SOBP: variants seen among roughly 807,000 people sequenced by gnomAD.
SOBP encodes the protein sine oculis binding protein homolog.
A neutral mutation model predicts 53.6 loss-of-function variants in SOBP; 4 were observed. The ratio of observed to expected loss-of-function variants is 0.07; its 90% CI spans 0.04 to 0.17. The LOEUF (loss-of-function observed/expected upper bound fraction) is 0.17. Ranked by LOEUF, SOBP falls within the 10% of genes least tolerant of loss-of-function variation. The pLI, the probability that SOBP is intolerant of heterozygous loss-of-function variation, is 1.00. For synonymous variants in SOBP, 584 were observed against 522.6 expected, an observed-to-expected ratio of 1.12 and a Z score of -1.60; for missense variants, 1,088 against 1,204.7, an observed-to-expected ratio of 0.90 and a Z score of 1.43.
In SOBP at chr6:107,634,830, C is replaced by T. The variant is rs2115148094; in HGVS notation, c.1986C>T (p.Ala662=). ...TCGACCTGACCGTGGGCCACCGAGC[C>T]CGGCTGCACAACGTGATCCACCGCG... ...GVIDLTVGHR[A]RLHNVIHRAL... The change falls in exon 6 of 7, where the codon GCC becomes GCT. Residue 662 remains alanine, a synonymous_variant. Transcript: ENST00000317357. This position sits in a 1 kb window ranked among gnomAD's most constrained non-coding sequence, Gnocchi z 4.5. 7.1e-7 allele frequency: 1 copy of T among 1,407,278 alleles called. No homozygotes were observed. The highest frequency in any genetic ancestry group is 9.3e-7 in the Non-Finnish European group (1 of 1,077,338). The allele number at this position is 1,407,278 out of a possible 1,614,324, so 87.2% of individuals were successfully genotyped here.
intron 3 of SOBP, among the ~76,000 whole-genome samples, chr6:107,508,525 G>A (rs1427484495): frequency 6.6e-6 from 1 of 152,064 alleles, no homozygotes; most frequent in African/African-American, 2.4e-5. Context: ...GCTGCAGTGA[G>A]CTGAGATCAT....
At chr6:107,548,969 T>C (rs1784385455) in intron 4 of SOBP, among the ~76,000 whole-genome samples, 1 of 151,846 alleles carries the variant, frequency 6.6e-6, no homozygotes. Flanking sequence ...ATAAATTGAA[T>C]TAAAAACAGA....
At chr6:107,563,213 C>A (rs770082191) in intron 4 of SOBP, among the ~76,000 whole-genome samples, 2 of 152,206 alleles carry the variant, frequency 1.3e-5, no homozygotes, top group African/African-American at 4.8e-5. Flanking sequence ...GCCATTATTA[C>A]ACCAGTGCAC....
chr6:107,543,352 C>T (rs1784206089), intron 4 of SOBP, among the ~76,000 whole-genome samples: 1 of 152,166 alleles, frequency 6.6e-6, no homozygotes, highest in Non-Finnish European at 1.5e-5. Context: ...TTGTTGACAT[C>T]CTCTGGAATG....
chr6:107,541,991 T>G (rs1353378375), intron 4 of SOBP, among the ~76,000 whole-genome samples: 1 of 151,978 alleles, frequency 6.6e-6, no homozygotes, highest in Non-Finnish European at 1.5e-5. Flanking sequence ...ATATTGAGCC[T>G]GTATACGGCA....
intron 5 of SOBP, among the ~76,000 whole-genome samples, chr6:107,612,920 T>G (rs1413935334): frequency 6.6e-6 from 1 of 152,266 alleles, no homozygotes; most frequent in East Asian, 1.9e-4. Flanking sequence ...ATAGCAATAC[T>G]TCGATACTTT....
intron 5 of SOBP, among the ~76,000 whole-genome samples, chr6:107,616,791 A>G (rs1174609826): frequency 6.6e-6 from 1 of 152,194 alleles, no homozygotes; most frequent in Non-Finnish European, 1.5e-5. Context: ...GGACACTCAC[A>G]GCGACGGTTG....
At chr6:107,624,589 C>T (rs1201892941) in intron 5 of SOBP, among the ~76,000 whole-genome samples, 2 of 152,164 alleles carry the variant, frequency 1.3e-5, no homozygotes, top group African/African-American at 4.8e-5. Flanking sequence ...TGGTTGACAA[C>T]AAAATAGACT....
intron 5 of SOBP, among the ~76,000 whole-genome samples, chr6:107,599,961 T>C (rs1182598295): frequency 6.6e-6 from 1 of 152,196 alleles, no homozygotes; most frequent in African/African-American, 2.4e-5. Flanking sequence ...TCCCCTTGAT[T>C]AGAGCTCCTC....
At chr6:107,534,414 G>T (rs1338304348) in intron 4 of SOBP, among the ~76,000 whole-genome samples, 1 of 152,274 alleles carries the variant, frequency 6.6e-6, no homozygotes, top group Admixed American at 6.5e-5. Context: ...TAACTTGCTA[G>T]TCCTCAATTA....
At chr6:107,549,293 CAAAA>C (rs1220673040) in intron 4 of SOBP, among the ~76,000 whole-genome samples, 1 of 149,474 alleles carries the variant, frequency 6.7e-6, no homozygotes, top group Non-Finnish European at 1.5e-5. Context: ...ACAACAACAA[CAAAA>C]AAAAACAGAT....
At chr6:107,580,400 A>G (rs1486529484) in intron 4 of SOBP, among the ~76,000 whole-genome samples, 2 of 152,252 alleles carry the variant, frequency 1.3e-5, no homozygotes, top group Non-Finnish European at 2.9e-5. Context: ...AGAACATTCC[A>G]GGCCTTGGCT....
chr6:107,607,951 G>C (rs1241702261), intron 5 of SOBP, among the ~76,000 whole-genome samples: 3 of 152,154 alleles, frequency 2.0e-5, no homozygotes, highest in Non-Finnish European at 2.9e-5. Flanking sequence ...GCTGTGATTT[G>C]AGGGGCTACT....
chr6:107,541,973 A>G (rs1017458850), intron 4 of SOBP, among the ~76,000 whole-genome samples: 4 of 152,126 alleles, frequency 2.6e-5, no homozygotes, highest in Non-Finnish European at 5.9e-5. Flanking sequence ...AAAATAAAAT[A>G]AAAAGATATA....
intron 1 of SOBP, among the ~76,000 whole-genome samples, chr6:107,500,750 C>T (rs918379108): frequency 6.6e-6 from 1 of 152,122 alleles, no homozygotes; most frequent in East Asian, 1.9e-4. Flanking sequence ...TGGTCTCGAT[C>T]TCCTGACCTT....
chr6:107,490,844 T>C (rs1169694698), intron 1 of SOBP, 132 bp downstream of exon 1: 2 of 702,498 alleles, frequency 2.8e-6, no homozygotes, highest in East Asian at 5.6e-5. Context: ...ACGGCTCCGC[T>C]CCTCCTCCAG....
rs1397188766 is a variant in SOBP at position 107,490,160 on chromosome 6, C to T, written c.-457C>T. On this transcript the variant is annotated 5_prime_UTR_variant, in exon 1 of 7. Transcript: ENST00000317357. ...ACAGCCGCGCACGCACGCCCGGGGC[C>T]GCTCTCCGCGCCGGCCCTTGCTCCC... 6.7e-6 allele frequency: 1 copy of T among 149,346 alleles called. No homozygotes were observed. Among genetic ancestry groups the T allele is most frequent in the African/African-American group, 2.4e-5 (1 of 41,042 alleles). 9.3% of individuals were successfully genotyped at this position (149,346 alleles called of 1,614,324 possible).
intron 4 of SOBP, among the ~76,000 whole-genome samples, chr6:107,582,564 AAAAG>A (rs1471366646): frequency 2.0e-5 from 3 of 152,196 alleles, no homozygotes; most frequent in Non-Finnish European, 4.4e-5. Flanking sequence ...AAAAAAAAAA[AAAAG>A]AAATTTCCTT....
Position 107,634,392 on chromosome 6 carries a change from G to A in SOBP, c.1548G>A (p.Pro516=). 1.3e-6 allele frequency: 2 copies of A among 1,599,730 alleles called. No individual in the cohort carries two copies. Among genetic ancestry groups the A allele is most frequent in the Non-Finnish European group, 8.5e-7 (1 of 1,178,792 alleles). The change falls in exon 6 of 7, where the codon CCG becomes CCA. Residue 516 remains proline, a synonymous_variant. Transcript: ENST00000317357. The surrounding 1 kb of genome is among the most constrained non-coding windows in gnomAD (Gnocchi z 4.5). The stretch of plus-strand genomic sequence containing the variant: ...ATTTCGGGCTGCCGTCGCTTGCCCC[G>A]CTGGTGCCGCCCCCGACCCTGCTCG... ...MMNFGLPSLA[P]LVPPPTLLVP...
Sources: allele counts gnomAD v4.1 joint callset (sites outside exome capture counted in the v4.1 genomes callset), GRCh38; gene constraint gnomAD v4.1.1; non-coding constraint Gnocchi (gnomAD v3.1); transcripts MANE v1.5; gene names NCBI Gene and HGNC (gene_info 2026-07-23, HGNC 2026-07-21).